MGAT4C: variants seen among roughly 807,000 people sequenced by gnomAD.
MGAT4C encodes the protein MGAT4 family member C, also known as alpha-1,3-mannosyl-glycoprotein 4-beta-N-acetylglucosaminyltransferase C.
MGAT4C carries 19 observed loss-of-function variants against 40.1 expected under a neutral mutation model. The ratio of observed to expected loss-of-function variants is 0.47; its 90% CI spans 0.33 to 0.70. MGAT4C has a LOEUF of 0.70. MGAT4C is among the 30% of genes least tolerant of loss of function. The pLI is 0.02. For missense variants in MGAT4C, 491 were observed against 563.2 expected, an observed-to-expected ratio of 0.87 and a Z score of 1.30; for synonymous variants, 181 against 187.1, an observed-to-expected ratio of 0.97 and a Z score of 0.27.
At chr12:86,732,020 T>A (rs1007541923) in intron 1 of MGAT4C, among the ~76,000 whole-genome samples, 5 of 152,164 alleles carry the variant, frequency 3.3e-5, no homozygotes, top group African/African-American at 9.7e-5. Flanking sequence ...CCTAGGTTTA[T>A]GCAGGGATTA....
chr12:86,201,720 T>C (rs1204956074), intron 1 of MGAT4C, among the ~76,000 whole-genome samples: 1 of 151,790 alleles, frequency 6.6e-6, no homozygotes, highest in African/African-American at 2.4e-5. Flanking sequence ...TTTATTGGGG[T>C]TTCTTTGAAT....
chr12:86,834,893 T>C (rs902242378), intron 1 of MGAT4C, among the ~76,000 whole-genome samples: 1 of 151,932 alleles, frequency 6.6e-6, no homozygotes, highest in African/African-American at 2.4e-5. Flanking sequence ...CTTGCTTTTG[T>C]GTCCACATTT....
In MGAT4C at chr12:85,979,699, CA is replaced by C; in HGVS notation, c.1026del (p.Ala343GlnfsTer7). Reference sequence around the variant, plus strand: ...ACATTCATGTTGGTGTACAGACTTGCAGGGGGGTTATCAGGAATGTCAAATG... The same window carrying C: ...ACATTCATGTTGGTGTACAGACTTGCGGGGGGTTATCAGGAATGTCAAATG... ...EESFDIPDNPPASLYTNMNVF... is the reference protein window; with the variant it reads ...EESFDIPDNPXASLYTNMNVF... On this transcript the variant is annotated frameshift_variant, in exon 5 of 5. Coordinates refer to ENST00000611864, the MANE Select transcript of MGAT4C (RefSeq NM_001351288.2). LOFTEE classifies it high-confidence loss of function. The C allele has an allele frequency of 1.2e-6, 2 of 1,613,312 alleles. No individual in the cohort carries two copies. The highest frequency in any genetic ancestry group is 1.7e-6 in the Non-Finnish European group (2 of 1,179,772).
At chr12:86,366,207 G>A (rs1647778609) in intron 3 of MGAT4C, among the ~76,000 whole-genome samples, 1 of 152,064 alleles carries the variant, frequency 6.6e-6, no homozygotes, top group African/African-American at 2.4e-5. Context: ...TGTTACTGGT[G>A]TATAGAAATG....
intron 4 of MGAT4C, among the ~76,000 whole-genome samples, chr12:86,317,029 AGAAGGAAGGAAG>A (rs550658171): frequency 6.6e-6 from 1 of 151,968 alleles, no homozygotes; most frequent in Non-Finnish European, 1.5e-5. Context: ...AAGGGACAAA[AGAAGGAAGGAAG>A]GAAGGAAGGA....
intron 1 of MGAT4C, among the ~76,000 whole-genome samples, chr12:86,124,953 C>T (rs180692920): frequency 1.2e-4 from 18 of 152,260 alleles, no homozygotes; most frequent in African/African-American, 4.1e-4. Context: ...CCACATTCTA[C>T]ATACTTGAAG....
chr12:86,452,328 GCATATCTCTTAATGCTATCCCAC>G (rs1957437278), intron 2 of MGAT4C, among the ~76,000 whole-genome samples: 1 of 151,400 alleles, frequency 6.6e-6, no homozygotes, highest in Admixed American at 6.6e-5. Context: ...TTTACATTAG[GCATATCTCTTAATGCTATCCCAC>G]CCTCCCCCAC....
At chr12:86,331,184 G>A (rs933991466) in intron 4 of MGAT4C, among the ~76,000 whole-genome samples, 5 of 152,172 alleles carry the variant, frequency 3.3e-5, no homozygotes, top group African/African-American at 1.2e-4. Context: ...AGAGATTCAA[G>A]TGTGAAGCTT....
chr12:86,377,235 T>A (rs2136216821), intron 3 of MGAT4C, among the ~76,000 whole-genome samples: 1 of 152,162 alleles, frequency 6.6e-6, no homozygotes, highest in South Asian at 2.1e-4. Flanking sequence ...AATTTTGTAT[T>A]TTTAGTAGAG....
intron 1 of MGAT4C, among the ~76,000 whole-genome samples, chr12:86,158,030 A>G (rs1214558703): frequency 6.6e-6 from 1 of 152,184 alleles, no homozygotes; most frequent in Non-Finnish European, 1.5e-5. Context: ...ATAATAAATC[A>G]TATTGCCCAA....
intron 3 of MGAT4C, among the ~76,000 whole-genome samples, chr12:86,408,102 G>A (rs896638225): frequency 2.0e-5 from 3 of 151,284 alleles, no homozygotes; most frequent in South Asian, 2.1e-4. Context: ...ACACATACAC[G>A]CACACACACA....
chr12:86,704,886 T>C (rs1041539329), intron 2 of MGAT4C, among the ~76,000 whole-genome samples: 5 of 152,128 alleles, frequency 3.3e-5, no homozygotes, highest in Admixed American at 6.6e-5. Context: ...ATATTTTTCA[T>C]ATCTTGTTCT....
intron 1 of MGAT4C, among the ~76,000 whole-genome samples, chr12:86,130,413 G>A (rs1189059594): frequency 6.6e-6 from 1 of 151,940 alleles, no homozygotes; most frequent in African/African-American, 2.4e-5. Flanking sequence ...ATACGTTTTG[G>A]AATTCTGATT....
chr12:86,253,192 A>G lies in MGAT4C; in HGVS notation c.-57+3047T>C, dbSNP rs191134915. On this transcript the variant is annotated intron_variant, in intron 1 of 4. Transcript: ENST00000611864. ...AGTAAATTAAAGATGAGAGCTTTTC[A>G]GGTAGAAAAAAAATAATATGTGCAA... is the stretch of plus-strand genomic sequence containing the variant. 2.0e-5 allele frequency among the ~76,000 whole-genome samples: 3 copies of G among 152,014 alleles called. No individual in the cohort carries two copies. In the East Asian group the frequency reaches 5.8e-4, roughly 29 times the overall value.
intron 2 of MGAT4C, among the ~76,000 whole-genome samples, chr12:86,562,545 C>T (rs1399606288): frequency 6.6e-6 from 1 of 152,066 alleles, no homozygotes; most frequent in Non-Finnish European, 1.5e-5. Context: ...GGAGATTAAC[C>T]CTGATTTGTC....
intron 1 of MGAT4C, among the ~76,000 whole-genome samples, chr12:86,742,369 T>C (rs913869641): frequency 2.0e-5 from 3 of 151,582 alleles, no homozygotes; most frequent in African/African-American, 7.3e-5. Flanking sequence ...CATGGCTCTT[T>C]AACTTGCTTT....
At chr12:86,693,930 C>T (rs1215861662) in intron 2 of MGAT4C, among the ~76,000 whole-genome samples, 3 of 152,126 alleles carry the variant, frequency 2.0e-5, no homozygotes, top group African/African-American at 7.2e-5. Flanking sequence ...TGTCTGAGAG[C>T]TTTCGCCAAT....
At chr12:86,805,679 A>G (rs1952339944) in intron 1 of MGAT4C, among the ~76,000 whole-genome samples, 2 of 151,938 alleles carry the variant, frequency 1.3e-5, no homozygotes, top group South Asian at 4.1e-4. Flanking sequence ...GCCTCAATGA[A>G]CATGTCAGTA....
At chr12:86,505,286 G>T (rs1343592292) in intron 2 of MGAT4C, among the ~76,000 whole-genome samples, 1 of 152,094 alleles carries the variant, frequency 6.6e-6, no homozygotes, top group Non-Finnish European at 1.5e-5. Context: ...ATGTAAGATA[G>T]AATTCAGATA....
Sources: allele counts gnomAD v4.1 joint callset (sites outside exome capture counted in the v4.1 genomes callset), GRCh38; gene constraint gnomAD v4.1.1; transcripts MANE v1.5; gene names NCBI Gene and HGNC (gene_info 2026-07-23, HGNC 2026-07-21).